The following FAM110B variants were observed in gnomAD, a reference collection of about 807,000 sequenced individuals.
The protein encoded by FAM110B is family with sequence similarity 110 member B.
In FAM110B, 6 loss-of-function variants were observed where a neutral mutation model predicts 20.4. The ratio of observed to expected loss-of-function variants is 0.29; its 90% CI spans 0.16 to 0.58. FAM110B has a LOEUF of 0.58. Ranked by LOEUF, FAM110B falls within the 20% of genes least tolerant of loss-of-function variation. The pLI is 0.90. For synonymous variants in FAM110B, 226 were observed against 214.1 expected (o/e 1.06, Z -0.49); for missense variants, 434 against 498.2 (o/e 0.87, Z 1.23).
chr8:58,081,098 C>T (rs935245421), intron 3 of FAM110B, among the ~76,000 whole-genome samples: 15 of 152,242 alleles, frequency 9.9e-5, no homozygotes, highest in African/African-American at 3.6e-4. Context: ...TGCCTCAGCA[C>T]AGCCCTCTTC....
intron 3 of FAM110B, among the ~76,000 whole-genome samples, chr8:58,098,385 C>T (rs536747748): frequency 9.2e-5 from 14 of 152,344 alleles, no homozygotes; most frequent in African/African-American, 2.9e-4. Flanking sequence ...ATGACAGATG[C>T]CCCTCTCCCA....
intron 3 of FAM110B, among the ~76,000 whole-genome samples, chr8:58,112,603 G>A (rs1248992599): frequency 6.6e-6 from 1 of 152,182 alleles, no homozygotes; most frequent in East Asian, 1.9e-4. Flanking sequence ...ACTGGGCCAC[G>A]CCCCTGGGCT....
intron 1 of FAM110B, among the ~76,000 whole-genome samples, chr8:58,010,043 G>A (rs146471927): frequency 1.3e-4 from 20 of 152,250 alleles, no homozygotes; most frequent in Non-Finnish European, 1.9e-4. Context: ...TTGAGACAGT[G>A]TCTCACTCTG....
rs1189884570 is a variant in FAM110B, at chr8:58,072,470, G to C, written c.-413-3065G>C. ...ACACCAAAGAGGCTTCTTTATAACAGAATTAAACAAGTGTTATTTATGTTT... is the reference window on the plus strand; with the variant it reads ...ACACCAAAGAGGCTTCTTTATAACACAATTAAACAAGTGTTATTTATGTTT... On this transcript the variant is annotated intron_variant, in intron 2 of 3. Coordinates refer to ENST00000519262, the MANE Select transcript of FAM110B (RefSeq NM_001377989.1). Among the ~76,000 whole-genome samples, 2 of 152,148 alleles carry C rather than the reference G, an allele frequency of 1.3e-5. 1 individual carries two copies. The highest frequency in any genetic ancestry group is 2.9e-5 in the Non-Finnish European group (2 of 68,012).
At chr8:58,002,945 C>G (rs909691099) in intron 1 of FAM110B, among the ~76,000 whole-genome samples, 2 of 152,212 alleles carry the variant, frequency 1.3e-5, no homozygotes, top group Non-Finnish European at 2.9e-5. Context: ...GCTGCATCAA[C>G]TGACTCTTCC....
chr8:58,147,507 C>T lies in FAM110B; in HGVS notation c.*164C>T, dbSNP rs1803896810. On this transcript the variant is annotated 3_prime_UTR_variant, in exon 4 of 4. Coordinates refer to ENST00000519262, the MANE Select transcript of FAM110B (RefSeq NM_001377989.1). ...AACATGGGGACTGACCTGGCTTCCACGTCACCATCGCTACAGAGCCTGGCT... is the reference window on the plus strand; with the variant it reads ...AACATGGGGACTGACCTGGCTTCCATGTCACCATCGCTACAGAGCCTGGCT... 4 of 833,078 alleles carry T rather than the reference C, an allele frequency of 4.8e-6. No individual in the cohort carries two copies. The highest frequency in any genetic ancestry group is 1.8e-5 in the South Asian group (1 of 54,062). 51.6% of individuals were successfully genotyped at this position (833,078 alleles called of 1,614,324 possible). A position where few individuals can be genotyped will look rare whatever the true frequency, so the allele number is the denominator to read the frequency against.
At chr8:58,061,789 T>C (rs1395697094) in intron 2 of FAM110B, among the ~76,000 whole-genome samples, 1 of 152,220 alleles carries the variant, frequency 6.6e-6, no homozygotes, top group African/African-American at 2.4e-5. Flanking sequence ...AAAGGTGCCC[T>C]ACATAGAGAG....
chr8:58,054,943 C>T (rs939912846), intron 2 of FAM110B, among the ~76,000 whole-genome samples: 1 of 151,584 alleles, frequency 6.6e-6, no homozygotes, highest in Non-Finnish European at 1.5e-5. Context: ...ATATTAGAAA[C>T]AGCTGTTTAG....
intron 2 of FAM110B, among the ~76,000 whole-genome samples, chr8:58,046,361 A>G (rs1304918034): frequency 6.6e-6 from 1 of 152,208 alleles, no homozygotes; most frequent in African/African-American, 2.4e-5. Context: ...AATCATTTGC[A>G]CATAGTTTTT....
chr8:58,107,690 G>A (rs1051472074), intron 3 of FAM110B, among the ~76,000 whole-genome samples: 1 of 152,198 alleles, frequency 6.6e-6, no homozygotes, highest in Non-Finnish European at 1.5e-5. Context: ...TATTTTTAAT[G>A]CATCAGATCC....
intron 3 of FAM110B, among the ~76,000 whole-genome samples, chr8:58,096,742 G>A (rs1806642686): frequency 6.6e-6 from 1 of 152,192 alleles, no homozygotes; most frequent in Non-Finnish European, 1.5e-5. Context: ...GCCTGGTGGT[G>A]ACAGAATCTC....
intron 2 of FAM110B, among the ~76,000 whole-genome samples, chr8:58,052,323 A>C (rs908886119): frequency 1.2e-4 from 19 of 152,194 alleles, no homozygotes; most frequent in African/African-American, 4.6e-4. Flanking sequence ...GTTCTGATGC[A>C]ATGCAATGAC....
intron 2 of FAM110B, among the ~76,000 whole-genome samples, chr8:58,042,134 A>G (rs998619958): frequency 6.6e-6 from 1 of 152,236 alleles, no homozygotes; most frequent in Non-Finnish European, 1.5e-5. Context: ...TAGAACAAGT[A>G]CTGTTATTGG....
At chr8:58,005,638 C>A (rs111580079) in intron 1 of FAM110B, among the ~76,000 whole-genome samples, 167 of 152,304 alleles carry the variant, frequency 1.1e-3, no homozygotes, top group African/African-American at 3.9e-3. Context: ...CGTTGATACC[C>A]CTTTCCTCCC....
intron 2 of FAM110B, among the ~76,000 whole-genome samples, chr8:58,039,816 A>G (rs1805171230): frequency 6.6e-6 from 1 of 152,180 alleles, no homozygotes; most frequent in Admixed American, 6.5e-5. Flanking sequence ...GAGTGCAGTG[A>G]TGTGATCATA....
chr8:58,077,084 G>A (rs1806054009), intron 3 of FAM110B: 1 of 152,180 alleles, frequency 6.6e-6, no homozygotes, highest in Non-Finnish European at 1.5e-5. Flanking sequence ...ATAACCTGAA[G>A]TCTCTCACTC....
At chr8:58,140,477 T>C (rs1803715754) in intron 3 of FAM110B, among the ~76,000 whole-genome samples, 1 of 152,082 alleles carries the variant, frequency 6.6e-6, no homozygotes, top group Non-Finnish European at 1.5e-5. Context: ...GGCAGAACCA[T>C]AGGCAGTGCC....
rs113479508 is a variant in FAM110B, at chr8:58,123,075, G to C, written c.-324-22832G>C. Among the ~76,000 whole-genome samples, 636 of 152,264 alleles carry C rather than the reference G, an allele frequency of 4.2e-3. 3 individuals are homozygous for C. The highest frequency in any genetic ancestry group is 6.5e-3 in the Non-Finnish European group (440 of 68,012). On this transcript the variant is annotated intron_variant, in intron 3 of 3. Transcript: ENST00000519262. ...CCTTATGAGAGCTCAGCAGAGCGGG[G>C]AGCTAAAGGTCCCACCCTTTGAAGG...
At chr8:58,083,438 C>T (rs1035169740) in intron 3 of FAM110B, among the ~76,000 whole-genome samples, 23 of 152,196 alleles carry the variant, frequency 1.5e-4, no homozygotes, top group East Asian at 1.9e-4. Flanking sequence ...TCCTCAACTG[C>T]GTTTAAAATA....
Sources: gnomAD v4.1 joint callset for allele counts (sites outside exome capture counted in the v4.1 genomes callset) on GRCh38, gnomAD v4.1.1 for gene constraint, MANE v1.5 for transcripts, NCBI Gene and HGNC (gene_info 2026-07-23, HGNC 2026-07-21) for gene names.